MX2: variants seen among roughly 807,000 people sequenced by gnomAD.
MX2 encodes MX dynamin like GTPase 2.
Under a neutral mutation model 74.0 loss-of-function variants are expected in MX2, and 51 were observed. That is an observed-to-expected ratio of 0.69 (90% confidence interval 0.55 to 0.87). MX2 has a LOEUF of 0.87. Among genes scored for constraint, MX2 ranks in the 40% least tolerant of loss-of-function variants. MX2 has a pLI of 0.00. For synonymous variants in MX2, 369 were observed against 339.3 expected (o/e 1.09, Z -0.96); for missense variants, 832 against 908.7 (o/e 0.92, Z 1.09).
chr21:41,373,914 C>G (rs775616217), intron 1 of MX2: 1 of 152,326 alleles, frequency 6.6e-6, no homozygotes, highest in Non-Finnish European at 1.5e-5. Flanking sequence ...GGAACCAGCC[C>G]TGGGACAGGC....
chr21:41,388,638 C>A lies in MX2; in HGVS notation c.733-1927C>A, dbSNP rs1386263394. Among the ~76,000 whole-genome samples, 1 of 152,172 alleles carries A rather than the reference C, an allele frequency of 6.6e-6. No individual in the cohort carries two copies. Among genetic ancestry groups the A allele is most frequent in the Non-Finnish European group, 1.5e-5 (1 of 68,034 alleles). ...CGAGTCTCTGAACCCCAGGATGGGC[C>A]CCACACCTGGTGGGCACTGCTAATG... On this transcript the variant is annotated intron_variant, in intron 5 of 13. Coordinates refer to ENST00000330714, the MANE Select transcript of MX2 (RefSeq NM_002463.2). This position sits in a 1 kb window ranked among gnomAD's most constrained non-coding sequence, Gnocchi z 4.0.
At chr21:41,395,880 A>G (rs2089728013) in intron 7 of MX2, 95 bp downstream of exon 7, 2 of 1,246,782 alleles carry the variant, frequency 1.6e-6, no homozygotes, top group Non-Finnish European at 2.3e-6. Flanking sequence ...GTATGCACAA[A>G]TTACACAAGG....
chr21:41,373,038 GGGAGACA>G (rs2089345415), intron 1 of MX2: 1 of 152,192 alleles, frequency 6.6e-6, no homozygotes, highest in South Asian at 2.1e-4. Context: ...ATTGCAGCTG[GGGAGACA>G]GGAAACAGGC....
chr21:41,403,602 T>C, intron 12 of MX2: 1 of 701,508 alleles, frequency 1.4e-6, no homozygotes, highest in Non-Finnish European at 2.7e-6. Context: ...TGCACGACCT[T>C]ACGCAGGATG....
chr21:41,383,847 T>C (rs764622486), intron 5 of MX2, among the ~76,000 whole-genome samples: 6 of 151,994 alleles, frequency 3.9e-5, no homozygotes, highest in Non-Finnish European at 5.9e-5. Context: ...TTAGCCCTCC[T>C]AGGAGGGTGG....
At position 41,408,085 on chromosome 21, in the gene MX2, A is replaced by G; in HGVS notation, c.2000A>G (p.Gln667Arg). The G allele has an allele frequency of 1.2e-6, 2 of 1,614,210 alleles. No individual in the cohort carries two copies. Among genetic ancestry groups the G allele is most frequent in the Non-Finnish European group, 1.7e-6 (2 of 1,180,044 alleles). Residue 667 changes from glutamine (Q) to arginine (R), a missense_variant, in exon 14 of 14, where the codon CAG becomes CGG. Physicochemically the swap from Gln to Arg is conservative, Grantham distance 43. Coordinates refer to ENST00000330714, the MANE Select transcript of MX2 (RefSeq NM_002463.2). ...GACTCCTTGCAGAAAGCCATGATGC[A>G]GATACTACAGGAAAAAAATCGCTAT... ...NGDSLQKAMM[Q>R]ILQEKNRYSW... is the part of the protein sequence containing the mutation.
Position 41,380,262 on chromosome 21 carries a change from C to G in MX2, c.577+111C>G. 1.4e-6 allele frequency: 2 copies of G among 1,437,724 alleles called. No individual in the cohort carries two copies. The highest frequency in any genetic ancestry group is 1.9e-6 in the Non-Finnish European group (2 of 1,058,536). 89.1% of individuals were successfully genotyped at this position (1,437,724 alleles called of 1,614,324 possible). On this transcript the variant is annotated intron_variant, in intron 4 of 13. Coordinates refer to ENST00000330714, the MANE Select transcript of MX2 (RefSeq NM_002463.2). The surrounding 1 kb of genome is among the most constrained non-coding windows in gnomAD (Gnocchi z 4.3). ...CACAGTGACCACTCAGCTCCTAGCC[C>G]CATGTGCTCCCACATGGGGCTGAAC...
intron 1 of MX2, among the ~76,000 whole-genome samples, chr21:41,369,191 G>C (rs963304013): frequency 6.6e-6 from 1 of 152,220 alleles, no homozygotes; most frequent in Admixed American, 6.5e-5. Context: ...TGGGAGGAGG[G>C]GGGTGCAGGA....
intron 4 of MX2, among the ~76,000 whole-genome samples, 174 bp from the exon 5 acceptor site, chr21:41,382,236 C>A (rs927320058): frequency 6.6e-6 from 1 of 151,812 alleles, no homozygotes; most frequent in African/African-American, 2.4e-5. Context: ...ATTAAACAGC[C>A]ATCTTGGTGG....
At chr21:41,386,801 C>T (rs2089584115) in intron 5 of MX2, among the ~76,000 whole-genome samples, 1 of 152,206 alleles carries the variant, frequency 6.6e-6, no homozygotes, top group Non-Finnish European at 1.5e-5. Context: ...GAACTTCAGC[C>T]TTTGCTTGGC....
chr21:41,407,789 G>C (rs1408350788), intron 13 of MX2, among the ~76,000 whole-genome samples: 1 of 152,188 alleles, frequency 6.6e-6, no homozygotes, highest in African/African-American at 2.4e-5. Flanking sequence ...AGTGCTAGAG[G>C]GGATGCCTGG....
In MX2 at chr21:41,376,962, G is replaced by A. The variant is rs151075322; in HGVS notation, c.56G>A (p.Arg19Gln). The change falls in exon 2 of 14, where the codon CGA becomes CAA. Residue 19 changes from arginine to glutamine, a missense_variant. Arg to Gln is a conservative substitution (Grantham distance 43). Coordinates refer to ENST00000330714, the MANE Select transcript of MX2 (RefSeq NM_002463.2). ...PYRRRSQFSS[R>Q]KYLKKEMNSF... ...CGGAGGAGAAGTCAATTTTCTTCTC[G>A]AAAATACCTGAAAAAAGAAATGAAT... 3.0e-4 allele frequency: 483 copies of A among 1,614,006 alleles called. 2 individuals are homozygous for A. In the African/African-American group the frequency reaches 5.4e-3, roughly 18 times the overall value.
chr21:41,404,873 C>CAAAAAAAAAAAAA (rs547207365), intron 12 of MX2: 6 of 69,082 alleles, frequency 8.7e-5, no homozygotes, highest in Non-Finnish European at 1.7e-4. Context: ...CACATATACT[C>CAAAAAAAAAAAAA]AAAAAAAAAA....
At chr21:41,382,594 TCTG>T (rs2089511943) in intron 5 of MX2, 30 bp downstream of exon 5, 2 of 1,613,458 alleles carry the variant, frequency 1.2e-6, no homozygotes, top group East Asian at 2.2e-5. Context: ...GGGATTGGGC[TCTG>T]CTGAAGTGGG....
chr21:41,397,829 G>A (rs2089756273), intron 8 of MX2, 138 bp downstream of exon 8: 1 of 642,134 alleles, frequency 1.6e-6, no homozygotes, highest in South Asian at 2.2e-5. Flanking sequence ...CTCACTCACT[G>A]TCACAGGCTC....
intron 1 of MX2, among the ~76,000 whole-genome samples, chr21:41,369,963 A>G (rs972076317): frequency 1.3e-5 from 2 of 152,144 alleles, no homozygotes; most frequent in African/African-American, 4.8e-5. Flanking sequence ...AAAGATTCCA[A>G]GCTCTGCTCT....
chr21:41,401,685 G>T (rs1325994538), intron 10 of MX2: 8 of 190,904 alleles, frequency 4.2e-5, no homozygotes, highest in Non-Finnish European at 8.5e-5. Flanking sequence ...TTCTAATCAG[G>T]TTTTTTTTTT....
At chr21:41,362,617 C>G (rs1007074536) in intron 1 of MX2, among the ~76,000 whole-genome samples, 3 of 151,920 alleles carry the variant, frequency 2.0e-5, no homozygotes, top group African/African-American at 7.3e-5. Context: ...CAGTTCCCAG[C>G]CAGTAGGGGC....
At position 41,368,389 on chromosome 21, in the gene MX2, C is replaced by T. The variant is rs1373048847; in HGVS notation, c.-72+6334C>T. 2.0e-5 allele frequency among the ~76,000 whole-genome samples: 3 copies of T among 152,126 alleles called. No individual in the cohort carries two copies. Among genetic ancestry groups the T allele is most frequent in the Non-Finnish European group, 2.9e-5 (2 of 68,018 alleles). On this transcript the variant is annotated intron_variant, in intron 1 of 13. Coordinates refer to ENST00000330714, the MANE Select transcript of MX2 (RefSeq NM_002463.2). This position sits in a 1 kb window ranked among gnomAD's most constrained non-coding sequence, Gnocchi z 4.6. ...TTCACCAGGCACACACCAGACAACC[C>T]GAAACCTACATTCCTTACTCAACAG...
Sources: allele counts gnomAD v4.1 joint callset (sites outside exome capture counted in the v4.1 genomes callset), GRCh38; gene constraint gnomAD v4.1.1; non-coding constraint Gnocchi (gnomAD v3.1); transcripts MANE v1.5; gene names NCBI Gene and HGNC (gene_info 2026-07-23, HGNC 2026-07-21).